The following HECW1 variants were observed in gnomAD, a reference collection of about 807,000 sequenced individuals.
HECW1 encodes the protein HECT, C2 and WW domain containing E3 ubiquitin protein ligase 1.
A neutral mutation model predicts 182.3 loss-of-function variants in HECW1; 61 were observed. The ratio of observed to expected loss-of-function variants is 0.33; its 90% CI spans 0.27 to 0.41. The LOEUF (loss-of-function observed/expected upper bound fraction) is 0.41, where lower values mean the gene tolerates loss of function less well. Ranked by LOEUF, HECW1 falls within the 10% of genes least tolerant of loss-of-function variation. The pLI is 1.00. For synonymous variants in HECW1, 859 were observed against 832.6 expected (o/e 1.03, Z -0.55); for missense variants, 1,739 against 2,108.9 (o/e 0.82, Z 3.44).
intron 21 of HECW1, among the ~76,000 whole-genome samples, chr7:43,502,219 AG>A (rs1263072858): frequency 6.6e-6 from 1 of 152,256 alleles, no homozygotes; most frequent in African/African-American, 2.4e-5. Flanking sequence ...ATCTCCACAA[AG>A]ATTCCAAAGA....
At chr7:43,506,385 C>T (rs2079576166) in intron 21 of HECW1, among the ~76,000 whole-genome samples, 4 of 152,146 alleles carry the variant, frequency 2.6e-5, no homozygotes, top group Non-Finnish European at 5.9e-5. Flanking sequence ...GAGAAAAATG[C>T]TCATCCATGT....
Position 43,501,183 on chromosome 7 carries a change from CTTTTTTTTTTTT to C in HECW1, c.3522-21_3522-10del. 1 of 744,854 alleles carries C rather than the reference CTTTTTTTTTTTT, an allele frequency of 1.3e-6. No homozygotes were observed. Among genetic ancestry groups the C allele is most frequent in the Non-Finnish European group, 2.1e-6 (1 of 467,682 alleles). The allele number at this position is 744,854 out of a possible 1,614,324, so 46.1% of individuals were successfully genotyped here. A position where few individuals can be genotyped will look rare whatever the true frequency, so the allele number is the denominator to read the frequency against. ...ATGTAAAACTGACTTTCTTTTCTTT[CTTTTTTTTTTTT>C]TTTTTTTTCATATGCAGTCTCTTTG... On this transcript the variant is annotated intron_variant, in intron 20 of 29. Coordinates refer to ENST00000395891, the MANE Select transcript of HECW1 (RefSeq NM_015052.5).
At chr7:43,147,855 C>G (rs1334669380) in intron 2 of HECW1, among the ~76,000 whole-genome samples, 1 of 152,184 alleles carries the variant, frequency 6.6e-6, no homozygotes, top group Non-Finnish European at 1.5e-5. Flanking sequence ...CCCTACTAGA[C>G]AGCACTTAGC....
intron 7 of HECW1, among the ~76,000 whole-genome samples, chr7:43,406,854 G>A (rs945434667): frequency 6.6e-6 from 1 of 152,144 alleles, no homozygotes; most frequent in Non-Finnish European, 1.5e-5. Flanking sequence ...AGGAGGCAGA[G>A]TTTGCAGTGA....
At chr7:43,334,253 A>G (rs975096456) in intron 5 of HECW1, among the ~76,000 whole-genome samples, 22 of 152,344 alleles carry the variant, frequency 1.4e-4, no homozygotes, top group African/African-American at 5.3e-4. Flanking sequence ...TTCTGACATC[A>G]GTCAAGATAG....
intron 3 of HECW1, among the ~76,000 whole-genome samples, chr7:43,253,818 G>A (rs1800286390): frequency 6.6e-6 from 1 of 152,074 alleles, no homozygotes; most frequent in South Asian, 2.1e-4. Flanking sequence ...TGAGGCAGAA[G>A]AGTCGCCTGA....
intron 23 of HECW1, 175 bp from the exon 24 acceptor site, chr7:43,508,794 C>A: frequency 1.5e-6 from 1 of 654,924 alleles, no homozygotes; most frequent in Non-Finnish European, 2.7e-6. Context: ...ATTACTGCAT[C>A]CTCATTTTCT....
At chr7:43,115,881 A>G (rs941688993) in intron 2 of HECW1, among the ~76,000 whole-genome samples, 4 of 152,224 alleles carry the variant, frequency 2.6e-5, no homozygotes, top group South Asian at 2.1e-4. Flanking sequence ...TCTGAGTTGT[A>G]AATGTGCCAC....
chr7:43,459,308 T>C (rs2077503909), intron 13 of HECW1, among the ~76,000 whole-genome samples: 1 of 152,224 alleles, frequency 6.6e-6, no homozygotes, highest in Non-Finnish European at 1.5e-5. Flanking sequence ...TTAATACTAC[T>C]CAGTACAAGA....
chr7:43,469,312 C>T (rs965972935), intron 16 of HECW1, among the ~76,000 whole-genome samples: 1 of 152,182 alleles, frequency 6.6e-6, no homozygotes, highest in Non-Finnish European at 1.5e-5. Context: ...CCTTACGGGA[C>T]ATTAGCAGCA....
chr7:43,372,901 A>C (rs1221428079), intron 6 of HECW1, among the ~76,000 whole-genome samples: 1 of 152,240 alleles, frequency 6.6e-6, no homozygotes, highest in East Asian at 1.9e-4. Context: ...TCATCAAGTG[A>C]TATAGATGCC....
chr7:43,537,071 G>A, intron 24 of HECW1, among the ~76,000 whole-genome samples: 1 of 152,172 alleles, frequency 6.6e-6, no homozygotes, highest in East Asian at 1.9e-4. Context: ...AAAAAGAGGG[G>A]AGCAGTGCTA....
intron 3 of HECW1, among the ~76,000 whole-genome samples, chr7:43,281,644 A>G (rs1458234226): frequency 6.6e-6 from 1 of 151,306 alleles, no homozygotes. Flanking sequence ...ACTGCTTGCT[A>G]AGCCTCTTCT....
At chr7:43,486,291 ATT>A (rs543408646) in intron 17 of HECW1, among the ~76,000 whole-genome samples, 1 of 144,148 alleles carries the variant, frequency 6.9e-6, no homozygotes. Context: ...GGTTGGTTCG[ATT>A]TTTTTTTTTT....
chr7:43,225,109 G>A (rs987946963), intron 2 of HECW1, among the ~76,000 whole-genome samples: 6 of 152,206 alleles, frequency 3.9e-5, no homozygotes, highest in Non-Finnish European at 7.3e-5. Flanking sequence ...AGGTTTGTCA[G>A]GGGCCTGGAG....
In HECW1 at chr7:43,492,135, G is replaced by C. The variant is rs61756577; in HGVS notation, c.3295G>C (p.Val1099Leu). 2,553 of 1,603,146 alleles carry C rather than the reference G, an allele frequency of 1.6e-3. 11 individuals carry two copies. Among genetic ancestry groups the C allele is most frequent in the Non-Finnish European group, 1.9e-3 (2,269 of 1,177,320 alleles). ...ACTGGCCAGGCCAGGACACAGCTTAGTAGCTGCTATTCGAAGCCAACATCA... is the reference window on the plus strand; with the variant it reads ...ACTGGCCAGGCCAGGACACAGCTTACTAGCTGCTATTCGAAGCCAACATCA... ...SLLARPGHSL[V>L]AAIRSQHQHE... is the part of the protein sequence containing the mutation. Residue 1099 changes from valine to leucine, a missense_variant, in exon 18 of 30, where the codon GTA becomes CTA. By Grantham distance (32) the Val-to-Leu change is conservative. This residue lies in a region of HECW1 where 971 missense variants were observed against 1,029.1 expected (regional missense o/e 0.94). Transcript: ENST00000395891.
chr7:43,117,268 T>C (rs1181212255), intron 2 of HECW1, among the ~76,000 whole-genome samples: 3 of 152,212 alleles, frequency 2.0e-5, no homozygotes, highest in Non-Finnish European at 4.4e-5. Flanking sequence ...ATAACTCTTA[T>C]GGTCAAAGTG....
At chr7:43,129,826 A>G (rs1170179537) in intron 2 of HECW1, among the ~76,000 whole-genome samples, 2 of 152,222 alleles carry the variant, frequency 1.3e-5, no homozygotes, top group African/African-American at 4.8e-5. Context: ...GTACCTGCCC[A>G]TAAGCTACAT....
intron 29 of HECW1, among the ~76,000 whole-genome samples, chr7:43,559,342 GAA>G (rs1366406243): frequency 6.6e-6 from 1 of 152,172 alleles, no homozygotes; most frequent in Non-Finnish European, 1.5e-5. Flanking sequence ...CCAAGTGTGA[GAA>G]GAGAGTGAGT....
Sources: gnomAD v4.1 joint callset for allele counts (sites outside exome capture counted in the v4.1 genomes callset) on GRCh38, gnomAD v4.1.1 for gene constraint, gnomAD v4.1.1 regional missense constraint, MANE v1.5 for transcripts, NCBI Gene and HGNC (gene_info 2026-07-23, HGNC 2026-07-21) for gene names.